The following ATRX variants were observed in gnomAD, a reference collection of about 807,000 sequenced individuals.
ATRX encodes chromatin remodeler ATRX.
A neutral mutation model predicts 172.6 loss-of-function variants in ATRX; 12 were observed. That is an observed-to-expected ratio of 0.07 (90% confidence interval 0.04 to 0.11). The LOEUF (loss-of-function observed/expected upper bound fraction) is 0.11. Among genes scored for constraint, ATRX ranks in the 10% least tolerant of loss-of-function variants. The pLI is 1.00. For synonymous variants in ATRX, 674 were observed against 594.7 expected, an observed-to-expected ratio of 1.13 and a Z score of -1.94; for missense variants, 1,368 against 1,767.4, an observed-to-expected ratio of 0.77 and a Z score of 4.05.
chrX:77,537,257 T>C (rs1346075888), intron 30 of ATRX, among the ~76,000 whole-genome samples: 1 of 111,432 alleles, frequency 9.0e-6, no homozygotes, highest in African/African-American at 3.3e-5. Context: ...ATCTACTTCA[T>C]GGGATTATTG....
At chrX:77,766,690 TC>T (rs1224624803) in intron 1 of ATRX, among the ~76,000 whole-genome samples, 4 of 101,456 alleles carry the variant, frequency 3.9e-5, no homozygotes, top group African/African-American at 1.5e-4. Context: ...GCTCCTCACT[TC>T]CTAGATGGGA....
At chrX:77,553,093 C>CA (rs1557057211) in intron 30 of ATRX, among the ~76,000 whole-genome samples, 1 of 111,255 alleles carries the variant, frequency 9.0e-6, no homozygotes. Flanking sequence ...CTTCAAATAC[C>CA]AAAAAATCCA....
rs782323244 is a variant in ATRX at position 77,644,580 on chromosome X, TA to T, written c.4557+7533del. Among the ~76,000 whole-genome samples the T allele has an allele frequency of 2.6e-4, 29 of 110,139 alleles. No homozygotes were observed. In the East Asian group the frequency reaches 8.3e-3, roughly 31 times the overall value. On this transcript the variant is annotated intron_variant, in intron 15 of 34. Coordinates refer to ENST00000373344, the MANE Select transcript of ATRX (RefSeq NM_000489.6). ...ACATGTACCCTAGAACTTAAAGTAT[TA>T]AAAAAAATCACAAAGATACAGCCAA...
intron 30 of ATRX, among the ~76,000 whole-genome samples, chrX:77,553,702 C>T (rs1229561742): frequency 9.0e-6 from 1 of 111,545 alleles, no homozygotes; most frequent in Non-Finnish European, 1.9e-5. Flanking sequence ...GCTCTTCTGC[C>T]GTCTTAGCAA....
chrX:77,538,647 A>T (rs1215537954), intron 30 of ATRX, among the ~76,000 whole-genome samples: 1 of 111,842 alleles, frequency 8.9e-6, no homozygotes, highest in African/African-American at 3.2e-5. Flanking sequence ...AAATTAAAAA[A>T]GTTAGCTGAT....
intron 34 of ATRX, among the ~76,000 whole-genome samples, chrX:77,509,922 G>T (rs1326083156): frequency 1.2e-5 from 1 of 81,005 alleles, no homozygotes; most frequent in Admixed American, 1.3e-4. Flanking sequence ...GGGGGGGGGG[G>T]GCACATGACC....
chrX:77,649,160 T>C (rs2069078021), intron 15 of ATRX, among the ~76,000 whole-genome samples: 1 of 106,580 alleles, frequency 9.4e-6, no homozygotes, highest in Admixed American at 1.0e-4. Context: ...CAAGACCCTA[T>C]CTTGAAAGAA....
chrX:77,698,494 T>G, intron 3 of ATRX, 80 bp downstream of exon 3: 1 of 896,644 alleles, frequency 1.1e-6, no homozygotes, highest in East Asian at 3.1e-5. Flanking sequence ...GACACATACA[T>G]GTGTCCAGAA....
chrX:77,575,257 G>A (rs2065572863), intron 27 of ATRX, among the ~76,000 whole-genome samples: 1 of 109,834 alleles, frequency 9.1e-6, no homozygotes, highest in South Asian at 3.9e-4. Context: ...AAAAAAAGAT[G>A]CTTTTCCATG....
At chrX:77,527,242 T>C (rs782031609) in intron 30 of ATRX, among the ~76,000 whole-genome samples, 1 of 112,065 alleles carries the variant, frequency 8.9e-6, no homozygotes, top group South Asian at 3.8e-4. Context: ...CTGTGGTCTG[T>C]GGCACTCACA....
In ATRX at chrX:77,505,579, C is replaced by T. The variant is rs782034593; in HGVS notation, c.*2772G>A. 1.7e-5 allele frequency: 3 copies of T among 172,141 alleles called. No individual in the cohort carries two copies. The Admixed American group carries it at 2.4e-4, about 14-fold the overall frequency. The allele number at this position is 172,141 out of a possible 1,213,427, so 14.2% of individuals were successfully genotyped here. On this transcript the variant is annotated 3_prime_UTR_variant, in exon 35 of 35. Transcript: ENST00000373344. Reference sequence around the variant, plus strand: ...TATAACAGATTCAATAACCAAACTTCGTGACCTCTCAATATTAAATAACTA... The same window carrying T: ...TATAACAGATTCAATAACCAAACTTTGTGACCTCTCAATATTAAATAACTA...
rs781810687 is a variant in ATRX, at chrX:77,521,138, A to T, written c.7072-222T>A. On this transcript the variant is annotated intron_variant, in intron 33 of 34. Transcript: ENST00000373344. ...ACAATAATTTAGATTTAATTTGTAC[A>T]ACTGGTAATTAAAATGTTTATATAA... 7.1e-5 allele frequency: 31 copies of T among 435,735 alleles called. 1 individual carries two copies. The highest frequency in any genetic ancestry group is 5.6e-4 in the South Asian group (16 of 28,538). The allele number at this position is 435,735 out of a possible 1,213,427, so 35.9% of individuals were successfully genotyped here.
At chrX:77,693,422 C>T (rs2072015218) in intron 6 of ATRX, among the ~76,000 whole-genome samples, 1 of 111,866 alleles carries the variant, frequency 8.9e-6, no homozygotes, top group Non-Finnish European at 1.9e-5. Flanking sequence ...ATTTATAATA[C>T]CCCAACTAAT....
chrX:77,599,183 A>C (rs1214609630), intron 25 of ATRX, among the ~76,000 whole-genome samples: 2 of 112,007 alleles, frequency 1.8e-5, no homozygotes, highest in Non-Finnish European at 3.8e-5. Context: ...AATAAACATT[A>C]GTTTTTCTTT....
Position 77,688,787 on chromosome X carries a change from C to T in ATRX, c.594+31G>A, listed in dbSNP as rs372509835. 27 of 1,086,074 alleles carry T rather than the reference C, an allele frequency of 2.5e-5. No individual in the cohort carries two copies. The Admixed American group carries it at 2.6e-4, about 11-fold the overall frequency. The allele number at this position is 1,086,074 out of a possible 1,213,427, so 89.5% of individuals were successfully genotyped here. A position where few individuals can be genotyped will look rare whatever the true frequency, so the allele number is the denominator to read the frequency against. On this transcript the variant is annotated intron_variant, in intron 7 of 34. Transcript: ENST00000373344. ...TATATGGTAAGCATTCAAATATTTACGGTATGAAATATCAACAGATCATTA... is the reference window on the plus strand; with the variant it reads ...TATATGGTAAGCATTCAAATATTTATGGTATGAAATATCAACAGATCATTA...
chrX:77,566,490 C>T (rs940554633), intron 28 of ATRX, among the ~76,000 whole-genome samples: 10 of 112,243 alleles, frequency 8.9e-5, no homozygotes, highest in East Asian at 2.8e-4. Context: ...TGGTGGCTCA[C>T]GCCTGTAATC....
At chrX:77,668,971 G>T (rs1452072767) in intron 10 of ATRX, among the ~76,000 whole-genome samples, 5 of 111,482 alleles carry the variant, frequency 4.5e-5, no homozygotes, top group African/African-American at 1.6e-4. Context: ...CTTGCTGATA[G>T]GTAAATCAAT....
In ATRX at chrX:77,628,742, AG is replaced by A. The variant is rs1401068424; in HGVS notation, c.5134+4464del. Among the ~76,000 whole-genome samples the A allele has an allele frequency of 3.6e-5, 4 of 111,510 alleles. No homozygotes were observed. The East Asian group carries it at 1.1e-3, about 32-fold the overall frequency. ...CCCATGTCAGCTTCCTGAATAGCTG[AG>A]ACTACAGGTGTGTGCCACCACACCT... On this transcript the variant is annotated intron_variant, in intron 19 of 34. Transcript: ENST00000373344.
chrX:77,600,791 T>C, intron 22 of ATRX: 1 of 302,383 alleles, frequency 3.3e-6, no homozygotes, highest in East Asian at 6.1e-5. Context: ...TACAGAAATA[T>C]GTGCTTTTTA....
Sources: gnomAD v4.1 joint callset for allele counts (sites outside exome capture counted in the v4.1 genomes callset) on GRCh38, gnomAD v4.1.1 for gene constraint, MANE v1.5 for transcripts, NCBI Gene and HGNC (gene_info 2026-07-23, HGNC 2026-07-21) for gene names.